The following JAK3 variants were observed in gnomAD, a reference collection of about 807,000 sequenced individuals.
The protein encoded by JAK3 is Janus kinase 3.
JAK3 carries 88 observed loss-of-function variants against 120.8 expected under a neutral mutation model. That is an observed-to-expected ratio of 0.73 (90% CI 0.61 to 0.87). The LOEUF (loss-of-function observed/expected upper bound fraction) is 0.87. JAK3 is among the 40% of genes least tolerant of loss of function. The probability of loss-of-function intolerance (pLI) is 0.00; values close to 1 mark genes in which losing one functional copy is unlikely to be tolerated. For missense variants in JAK3, 1,254 were observed against 1,501.4 expected (o/e 0.84, Z 2.72); for synonymous variants, 592 against 628.6 (o/e 0.94, Z 0.87).
chr19:17,835,821 A>G, intron 14 of JAK3, 103 bp downstream of exon 14: 1 of 1,489,496 alleles, frequency 6.7e-7, no homozygotes. Context: ...TCGAACCCTT[A>G]CCAAACTCCT....
rs930127481 is a variant in JAK3 at position 17,841,590 on chromosome 19, C to T, written c.985-44G>A. The T allele has an allele frequency of 4.3e-6, 7 of 1,610,454 alleles. No individual in the cohort carries two copies. The Admixed American group carries it at 5.1e-5, about 12-fold the overall frequency. On this transcript the variant is annotated intron_variant, in intron 7 of 23. Transcript: ENST00000458235. This position sits in a 1 kb window ranked among gnomAD's most constrained non-coding sequence, Gnocchi z 4.1. ...AGAGCCCAGTGAAACCCGAGGGTGC[C>T]GGTCCCGCCCTCGGGGTAAGGCTGA...
chr19:17,830,236 C>A lies in JAK3; in HGVS notation c.3097-18G>T. The A allele has an allele frequency of 1.3e-6, 2 of 1,533,058 alleles. No individual in the cohort carries two copies. Among genetic ancestry groups the A allele is most frequent in the Non-Finnish European group, 1.8e-6 (2 of 1,135,620 alleles). 95.0% of individuals were successfully genotyped at this position (1,533,058 alleles called of 1,614,324 possible). A position where few individuals can be genotyped will look rare whatever the true frequency, so the allele number is the denominator to read the frequency against. On this transcript the variant is annotated intron_variant, in intron 22 of 23. Transcript: ENST00000458235. ...AGGAACTCCTGGAGCCAAGGAGGAGCGCATGTGGTGGGGGAGGAGCCTCCG... is the reference window on the plus strand; with the variant it reads ...AGGAACTCCTGGAGCCAAGGAGGAGAGCATGTGGTGGGGGAGGAGCCTCCG...
chr19:17,846,886 T>TTTTATTTA (rs370639012), intron 1 of JAK3, among the ~76,000 whole-genome samples: 3 of 145,576 alleles, frequency 2.1e-5, no homozygotes, highest in African/African-American at 8.0e-5. Context: ...TGCCCAGCCT[T>TTTTATTTA]TTTATTTATT....
chr19:17,844,750 T>C (rs1349186531), intron 1 of JAK3, among the ~76,000 whole-genome samples: 1 of 148,790 alleles, frequency 6.7e-6, no homozygotes, highest in Non-Finnish European at 1.5e-5. Context: ...TGAGCCAAGA[T>C]TGTACCACTG....
In JAK3 at chr19:17,841,956, T is replaced by C. The variant is rs541240371; in HGVS notation, c.862-194A>G. Reference sequence around the variant, plus strand: ...ATCCCCAAACATCTCCCACCCGCTCTGCCAATCCCCGCCTCCTTCTCTCTG... The same window carrying C: ...ATCCCCAAACATCTCCCACCCGCTCCGCCAATCCCCGCCTCCTTCTCTCTG... On this transcript the variant is annotated intron_variant, in intron 6 of 23. Transcript: ENST00000458235. This position sits in a 1 kb window ranked among gnomAD's most constrained non-coding sequence, Gnocchi z 4.1. Among the ~76,000 whole-genome samples, 18 of 149,564 alleles carry C rather than the reference T, an allele frequency of 1.2e-4. No homozygotes were observed. The South Asian group carries it at 3.8e-3, about 32-fold the overall frequency.
intron 17 of JAK3, 42 bp downstream of exon 17, chr19:17,834,529 T>C (rs2094220239): frequency 6.2e-7 from 1 of 1,612,156 alleles, no homozygotes. Flanking sequence ...GGGCCCAATA[T>C]GACATCACAG....
chr19:17,831,997 A>C lies in JAK3; in HGVS notation c.2681-199T>G, dbSNP rs1296440994. 6.6e-6 allele frequency among the ~76,000 whole-genome samples: 1 copy of C among 152,226 alleles called. No individual in the cohort carries two copies. Among genetic ancestry groups the C allele is most frequent in the Non-Finnish European group, 1.5e-5 (1 of 68,036 alleles). On this transcript the variant is annotated intron_variant, in intron 19 of 23. Coordinates refer to ENST00000458235, the MANE Select transcript of JAK3 (RefSeq NM_000215.4). The surrounding 1 kb of genome is among the most constrained non-coding windows in gnomAD (Gnocchi z 5.1). The stretch of plus-strand genomic sequence containing the variant: ...ATTGATGTGTTTATATATCACGGCC[A>C]GGTGCAGTGGCTCACGCCTGTAATC...
In JAK3 at chr19:17,842,872, G is replaced by A; in HGVS notation, c.566+155C>T. On this transcript the variant is annotated intron_variant, in intron 5 of 23. Coordinates refer to ENST00000458235, the MANE Select transcript of JAK3 (RefSeq NM_000215.4). The surrounding 1 kb of genome is among the most constrained non-coding windows in gnomAD (Gnocchi z 6.4). The stretch of plus-strand genomic sequence containing the variant: ...GGTGTCTGTCCAGCTGGAGCCTGGG[G>A]GTGGAGAGGGCTGGGTTCGTGGGAG... 4 of 1,052,414 alleles carry A rather than the reference G, an allele frequency of 3.8e-6. No homozygotes were observed. The South Asian group carries it at 5.5e-5, about 14-fold the overall frequency. The allele number at this position is 1,052,414 out of a possible 1,614,324, so 65.2% of individuals were successfully genotyped here. A position where few individuals can be genotyped will look rare whatever the true frequency, so the allele number is the denominator to read the frequency against.
chr19:17,839,735 T>TTTA, intron 9 of JAK3, 72 bp from the exon 10 acceptor site: 8 of 1,290,772 alleles, frequency 6.2e-6, no homozygotes, highest in Non-Finnish European at 8.5e-6. Context: ...CTTCCTTTTT[T>TTTA]TTCTTTTTTT....
At position 17,841,784 on chromosome 19, in the gene JAK3, G is replaced by T; in HGVS notation, c.862-22C>A. ...GGACCTGGGAAGGAGGGGGAGTACC[G>T]AAGTGGGGGCCCAGCTGGACCCCGC... On this transcript the variant is annotated intron_variant, in intron 6 of 23. Coordinates refer to ENST00000458235, the MANE Select transcript of JAK3 (RefSeq NM_000215.4). This position sits in a 1 kb window ranked among gnomAD's most constrained non-coding sequence, Gnocchi z 4.1. The T allele has an allele frequency of 1.2e-6, 2 of 1,600,506 alleles. No homozygotes were observed. The highest frequency in any genetic ancestry group is 1.7e-6 in the Non-Finnish European group (2 of 1,179,810).
intron 1 of JAK3, among the ~76,000 whole-genome samples, 173 bp downstream of exon 1, chr19:17,847,773 A>T (rs1461867845): frequency 6.6e-6 from 1 of 152,114 alleles, no homozygotes; most frequent in Non-Finnish European, 1.5e-5. Context: ...CAGAGAAGCG[A>T]GCGATCGGAG....
In JAK3 at chr19:17,826,540, C is replaced by A. The variant is rs201810574; in HGVS notation, c.*203G>T. The A allele has an allele frequency of 1.7e-5, 11 of 629,506 alleles. No homozygotes were observed. Among genetic ancestry groups the A allele is most frequent in the Non-Finnish European group, 3.2e-5 (11 of 349,054 alleles). The allele number at this position is 629,506 out of a possible 1,614,324, so 39.0% of individuals were successfully genotyped here. A position where few individuals can be genotyped will look rare whatever the true frequency, so the allele number is the denominator to read the frequency against. ...CAGAGAGCCCCACTGACACATATGC[C>A]CATCTGTCTTGAACCTTAACAAATT... On this transcript the variant is annotated 3_prime_UTR_variant, in exon 24 of 24. Transcript: ENST00000458235.
Position 17,837,173 on chromosome 19 carries a change from T to G in JAK3, c.1742A>C (p.Tyr581Ser). ...EAASLMSQVSYRHLVLLHGVC... is the reference protein window; with the variant it reads ...EAASLMSQVSSRHLVLLHGVC... ...GCCGTGGAGCAGCACGAGATGCCGG[T>G]ACGACACTTGGCTCATCAAGCTCGC... Residue 581 changes from tyrosine (Y) to serine (S), a missense_variant, in exon 13 of 24, where the codon TAC (tyrosine) becomes TCC (serine). This residue lies in a region of JAK3 where 630 missense variants were observed against 819.8 expected (regional missense o/e 0.77). Coordinates refer to ENST00000458235, the MANE Select transcript of JAK3 (RefSeq NM_000215.4). 6.4e-7 allele frequency: 1 copy of G among 1,572,610 alleles called. No homozygotes were observed. The highest frequency in any genetic ancestry group is 8.6e-7 in the Non-Finnish European group (1 of 1,158,928).
rs763299925 is a variant in JAK3 at position 17,831,814 on chromosome 19, TCTGTCACAGCAGGGCCCAGCC to T, written c.2681-37_2681-17del. Reference sequence around the variant, plus strand: ...CTCTGGCGGCCTGGAGAAGGCAGGATCTGTCACAGCAGGGCCCAGCCCTGCTCGTCCCCCCATTCTTCCCCC... The same window carrying T: ...CTCTGGCGGCCTGGAGAAGGCAGGATCTGCTCGTCCCCCCATTCTTCCCCC... On this transcript the variant is annotated splice_polypyrimidine_tract_variant and intron_variant, in intron 19 of 23. Transcript: ENST00000458235. The surrounding 1 kb of genome is among the most constrained non-coding windows in gnomAD (Gnocchi z 5.1). The T allele has an allele frequency of 6.2e-7, 1 of 1,612,544 alleles. No individual in the cohort carries two copies. Among genetic ancestry groups the T allele is most frequent in the South Asian group, 1.1e-5 (1 of 91,054 alleles).
chr19:17,834,176 C>T (rs2094219595), intron 17 of JAK3, among the ~76,000 whole-genome samples: 1 of 151,966 alleles, frequency 6.6e-6, no homozygotes, highest in Admixed American at 6.6e-5. Flanking sequence ...GGTGAAACCC[C>T]ATATCTGCCA....
chr19:17,828,740 C>T (rs1465996882), intron 23 of JAK3, among the ~76,000 whole-genome samples: 1 of 152,194 alleles, frequency 6.6e-6, no homozygotes, highest in Non-Finnish European at 1.5e-5. Context: ...GGGTCTTCAG[C>T]ACCCAACAAG....
rs1307660967 is a variant in JAK3, at chr19:17,842,148, T to C, written c.861+168A>G. ...CCCAACCCTTCACTCAGTTTGCCCC[T>C]CCCATTCCCGCAGTCTCCTCCCTCA... On this transcript the variant is annotated intron_variant, in intron 6 of 23. Coordinates refer to ENST00000458235, the MANE Select transcript of JAK3 (RefSeq NM_000215.4). This position sits in a 1 kb window ranked among gnomAD's most constrained non-coding sequence, Gnocchi z 6.4. Among the ~76,000 whole-genome samples the C allele has an allele frequency of 1.7e-5, 2 of 120,514 alleles. No homozygotes were observed. Among genetic ancestry groups the C allele is most frequent in the African/African-American group, 3.3e-5 (1 of 30,548 alleles). The allele number at this position is 120,514 out of a possible 152,430, so 79.1% of individuals were successfully genotyped here.
intron 23 of JAK3, among the ~76,000 whole-genome samples, chr19:17,828,744 CA>C (rs768653187): frequency 6.6e-6 from 1 of 152,158 alleles, no homozygotes; most frequent in Non-Finnish European, 1.5e-5. Context: ...CTTCAGCACC[CA>C]ACAAGTCCTG....
rs2147689131 is a variant in JAK3 at position 17,838,388 on chromosome 19, T to C, written c.1444A>G (p.Lys482Glu). ...CTCTGGACCACGATCAGGTTGGACT[T>C]TTCTATGGGGAGAGGATGAGGGAGA... Reference protein sequence around the residue: ...TSCCIPRPKEKSNLIVVQRGH... With the variant: ...TSCCIPRPKEESNLIVVQRGH... The change falls in exon 11 of 24, where the codon AAG (lysine) becomes GAG (glutamate). Residue 482 changes from lysine to glutamate, a missense_variant and splice_region_variant. Lys to Glu is a moderately conservative substitution (Grantham distance 56, BLOSUM62 1). This residue lies in a region of JAK3 where 486 missense variants were observed against 503.0 expected (regional missense o/e 0.97). Transcript: ENST00000458235. 2 of 1,614,110 alleles carry C rather than the reference T, an allele frequency of 1.2e-6. No homozygotes were observed. Among genetic ancestry groups the C allele is most frequent in the Non-Finnish European group, 1.7e-6 (2 of 1,180,016 alleles).
Sources: gnomAD v4.1 joint callset for allele counts (sites outside exome capture counted in the v4.1 genomes callset) on GRCh38, gnomAD v4.1.1 for gene constraint, gnomAD v4.1.1 regional missense constraint, Gnocchi (gnomAD v3.1) non-coding constraint, MANE v1.5 for transcripts, NCBI Gene and HGNC (gene_info 2026-07-23, HGNC 2026-07-21) for gene names.